GABRA4: variants seen among roughly 807,000 people sequenced by gnomAD.
GABRA4 encodes the protein gamma-aminobutyric acid type A receptor subunit alpha4.
In GABRA4, 12 loss-of-function variants were observed where a neutral mutation model predicts 49.7. The ratio of observed to expected loss-of-function variants is 0.24; its 90% confidence interval spans 0.15 to 0.39. GABRA4 has a LOEUF of 0.39. GABRA4 is among the 10% of genes least tolerant of loss of function. The probability of loss-of-function intolerance (pLI) is 1.00; values close to 1 mark genes in which losing one functional copy is unlikely to be tolerated. For missense variants in GABRA4, 506 were observed against 686.0 expected (o/e 0.74, Z 2.93); for synonymous variants, 288 against 240.2 (o/e 1.20, Z -1.84).
At chr4:46,961,617 A>G (rs1268466424) in intron 8 of GABRA4, among the ~76,000 whole-genome samples, 1 of 151,892 alleles carries the variant, frequency 6.6e-6, no homozygotes, top group African/African-American at 2.4e-5. Context: ...ATGAATGAAT[A>G]AGGGACCGAT....
At chr4:46,967,703 C>G (rs1467988356) in intron 7 of GABRA4, among the ~76,000 whole-genome samples, 2 of 151,650 alleles carry the variant, frequency 1.3e-5, no homozygotes, top group African/African-American at 4.8e-5. Context: ...GGCATCTACC[C>G]TGAACACATT....
intron 2 of GABRA4, among the ~76,000 whole-genome samples, chr4:46,986,402 A>T (rs1454462057): frequency 2.7e-5 from 4 of 150,724 alleles, no homozygotes; most frequent in Non-Finnish European, 5.9e-5. Flanking sequence ...GACTAAATCA[A>T]CCCCTCCTCC....
intron 8 of GABRA4, among the ~76,000 whole-genome samples, chr4:46,949,509 G>A (rs1216315225): frequency 6.6e-6 from 1 of 151,896 alleles, no homozygotes; most frequent in Non-Finnish European, 1.5e-5. Flanking sequence ...CAGGCAAATA[G>A]GGACAAAATC....
chr4:46,965,162 G>A lies in GABRA4; in HGVS notation c.942C>T (p.Ser314=). ...TGAACCAGTCCATGGCGGTAGCATA[G>A]GACACTTTGGGCAAAGAATGTCGTG... ...ISARHSLPKV[S]YATAMDWFIA... is the part of the protein sequence containing the mutation. The change falls in exon 8 of 9, where the codon TCC becomes TCT. Residue 314 remains serine, a synonymous_variant. Transcript: ENST00000264318. 1.9e-6 allele frequency: 3 copies of A among 1,610,056 alleles called. No homozygotes were observed. Among genetic ancestry groups the A allele is most frequent in the Non-Finnish European group, 2.5e-6 (3 of 1,177,740 alleles).
intron 5 of GABRA4, 56 bp downstream of exon 5, chr4:46,977,005 A>C: frequency 1.0e-6 from 1 of 970,836 alleles, no homozygotes. Flanking sequence ...ACATGTGTAA[A>C]TATTAGCTTG....
chr4:46,992,485 G>T (rs1397400464), intron 2 of GABRA4, among the ~76,000 whole-genome samples: 1 of 152,154 alleles, frequency 6.6e-6, no homozygotes, highest in Non-Finnish European at 1.5e-5. Context: ...GAGCGAAGTG[G>T]CCAGGTTCAG....
intron 2 of GABRA4, chr4:46,992,613 G>C: frequency 1.7e-6 from 1 of 571,606 alleles, no homozygotes; most frequent in Non-Finnish European, 3.1e-6. Context: ...TTAGTGTGGG[G>C]GAGAGGCAAA....
In GABRA4 at chr4:46,989,944, T is replaced by G. The variant is rs571893354; in HGVS notation, c.205+2884A>C. On this transcript the variant is annotated intron_variant, in intron 2 of 8. Transcript: ENST00000264318. ...AAGAGTCTGTGCTAATGATGAAGTT[T>G]CTCATTGTTTTCAGTGGTACACATT... Among the ~76,000 whole-genome samples, 24 of 152,338 alleles carry G rather than the reference T, an allele frequency of 1.6e-4. 2 individuals are homozygous for G. The highest frequency in any genetic ancestry group is 5.1e-4 in the African/African-American group (21 of 41,580).
intron 7 of GABRA4, among the ~76,000 whole-genome samples, chr4:46,965,985 C>T (rs1243200516): frequency 6.6e-6 from 1 of 151,638 alleles, no homozygotes; most frequent in Non-Finnish European, 1.5e-5. Flanking sequence ...AAGTACTTCT[C>T]CTCCATCAAT....
chr4:46,971,725 T>A (rs1560478295), intron 6 of GABRA4, among the ~76,000 whole-genome samples: 2 of 150,932 alleles, frequency 1.3e-5, no homozygotes, highest in South Asian at 4.1e-4. Flanking sequence ...TAAATATATT[T>A]AAATTTCATT....
At chr4:46,953,572 G>A (rs1722244222) in intron 8 of GABRA4, among the ~76,000 whole-genome samples, 1 of 152,124 alleles carries the variant, frequency 6.6e-6, no homozygotes, top group South Asian at 2.1e-4. Flanking sequence ...CTGTGGATTA[G>A]TTAGTCTACA....
At chr4:46,931,604 T>C (rs920766589) in intron 8 of GABRA4, among the ~76,000 whole-genome samples, 3 of 152,106 alleles carry the variant, frequency 2.0e-5, no homozygotes, top group Non-Finnish European at 4.4e-5. Flanking sequence ...TCCTGACCCA[T>C]CCAGAGTTGG....
intron 8 of GABRA4, among the ~76,000 whole-genome samples, chr4:46,951,740 ATG>A (rs756758370): frequency 1.7e-4 from 25 of 151,058 alleles, no homozygotes; most frequent in East Asian, 1.4e-3. Context: ...ATATATATAT[ATG>A]TGTGTGTGTG....
intron 1 of GABRA4, 76 bp downstream of exon 1, chr4:46,993,263 A>C: frequency 8.1e-7 from 1 of 1,240,940 alleles, no homozygotes. Context: ...GGGAGGAGCG[A>C]GTGGCCAAAG....
At chr4:46,983,520 A>ATCAAAAG (rs1723428727) in intron 2 of GABRA4, among the ~76,000 whole-genome samples, 1 of 152,144 alleles carries the variant, frequency 6.6e-6, no homozygotes, top group Non-Finnish European at 1.5e-5. Context: ...AAAAATTAAC[A>ATCAAAAG]GAATTACTTT....
chr4:46,963,119 T>A (rs1210603929), intron 8 of GABRA4, among the ~76,000 whole-genome samples: 1 of 151,790 alleles, frequency 6.6e-6, no homozygotes, highest in African/African-American at 2.4e-5. Flanking sequence ...TTAAAAAGCT[T>A]CTGCACAGCC....
At chr4:46,972,564 C>T (rs924867627) in intron 6 of GABRA4, among the ~76,000 whole-genome samples, 17 of 151,382 alleles carry the variant, frequency 1.1e-4, no homozygotes, top group Non-Finnish European at 1.9e-4. Context: ...ATATACATCA[C>T]CCCCAAAAGT....
intron 8 of GABRA4, among the ~76,000 whole-genome samples, chr4:46,947,953 G>C (rs1325149633): frequency 6.6e-6 from 1 of 152,080 alleles, no homozygotes; most frequent in Non-Finnish European, 1.5e-5. Flanking sequence ...TCACCCAGAA[G>C]ATGTCCTCAC....
At chr4:46,984,579 A>G (rs1043076529) in intron 2 of GABRA4, among the ~76,000 whole-genome samples, 4 of 152,088 alleles carry the variant, frequency 2.6e-5, no homozygotes, top group African/African-American at 9.7e-5. Flanking sequence ...CAAATAAATA[A>G]GAAAAGCATG....
Sources: gnomAD v4.1 joint callset for allele counts (sites outside exome capture counted in the v4.1 genomes callset) on GRCh38, gnomAD v4.1.1 for gene constraint, MANE v1.5 for transcripts, NCBI Gene and HGNC (gene_info 2026-07-23, HGNC 2026-07-21) for gene names.